CSNK1G1: variants seen among roughly 807,000 people sequenced by gnomAD.
CSNK1G1 encodes casein kinase I isoform gamma-1.
In CSNK1G1, 22 loss-of-function variants were observed where a neutral mutation model predicts 59.6. The ratio of observed to expected loss-of-function variants is 0.37; its 90% confidence interval spans 0.26 to 0.53. The LOEUF is 0.53. CSNK1G1 is among the 20% of genes least tolerant of loss of function. The pLI, the probability that CSNK1G1 is intolerant of heterozygous loss-of-function variation, is 0.89. For missense variants in CSNK1G1, 384 were observed against 519.5 expected (o/e 0.74, Z 2.54); for synonymous variants, 179 against 177.1 (o/e 1.01, Z -0.08).
chr15:64,327,614 C>T (rs1317480910), intron 1 of CSNK1G1, among the ~76,000 whole-genome samples: 13 of 150,300 alleles, frequency 8.6e-5, no homozygotes, highest in East Asian at 7.9e-4. Context: ...AAACGCAGAG[C>T]GCCTCTCCTC....
intron 6 of CSNK1G1, among the ~76,000 whole-genome samples, chr15:64,212,444 GT>G (rs1373637416): frequency 1.1e-4 from 17 of 152,300 alleles, no homozygotes; most frequent in African/African-American, 3.6e-4. Context: ...GCCAGGCATG[GT>G]GGCTCACATC....
At chr15:64,324,561 G>A (rs1596278416) in intron 1 of CSNK1G1, among the ~76,000 whole-genome samples, 2 of 152,176 alleles carry the variant, frequency 1.3e-5, no homozygotes, top group South Asian at 4.1e-4. Flanking sequence ...TCAGGCCTTC[G>A]GCCACAGACT....
Position 64,305,030 on chromosome 15 carries a change from C to A in CSNK1G1, c.-224-4307G>T, listed in dbSNP as rs557919556. Among the ~76,000 whole-genome samples, 3 of 152,168 alleles carry A rather than the reference C, an allele frequency of 2.0e-5. No individual in the cohort carries two copies. In the South Asian group the frequency reaches 6.2e-4, roughly 32 times the overall value. ...ACTGTCCAAAACAGAAATAATAGGG[C>A]AAAACCAAAAATCTTTCTCCTTATA... is the stretch of plus-strand genomic sequence containing the variant. On this transcript the variant is annotated intron_variant, in intron 1 of 11. Transcript: ENST00000303052.
intron 2 of CSNK1G1, among the ~76,000 whole-genome samples, chr15:64,270,587 G>A (rs967088741): frequency 2.0e-5 from 3 of 151,866 alleles, no homozygotes; most frequent in African/African-American, 4.8e-5. Context: ...GTGAAACCCC[G>A]TCTCTACTAA....
At chr15:64,321,533 G>A (rs1420175644) in intron 1 of CSNK1G1, among the ~76,000 whole-genome samples, 2 of 151,980 alleles carry the variant, frequency 1.3e-5, no homozygotes, top group Non-Finnish European at 2.9e-5. Context: ...CAAAGGGCTG[G>A]GATTACAGGC....
Position 64,259,225 on chromosome 15 carries a change from G to A in CSNK1G1, c.198C>T (p.Thr66=). ...CCAGTTTGATTGCTACATATTCATTGGTGTAGAGATTTTTACCTAAGAGGA... is the reference window on the plus strand; with the variant it reads ...CCAGTTTGATTGCTACATATTCATTAGTGTAGAGATTTTTACCTAAGAGGA... ...GELRLGKNLY[T]NEYVAIKLEP... The change falls in exon 3 of 12, where the codon ACC becomes ACT. Residue 66 remains threonine (T), a synonymous_variant. Coordinates refer to ENST00000303052, the MANE Select transcript of CSNK1G1 (RefSeq NM_022048.5). The A allele has an allele frequency of 6.3e-7, 1 of 1,596,392 alleles. No homozygotes were observed. Among genetic ancestry groups the A allele is most frequent in the East Asian group, 2.3e-5 (1 of 44,242 alleles).
chr15:64,309,445 C>A (rs574723140), intron 1 of CSNK1G1, among the ~76,000 whole-genome samples: 96 of 152,010 alleles, frequency 6.3e-4, no homozygotes, highest in African/African-American at 2.2e-3. Flanking sequence ...TTCTTGCCAC[C>A]ATTCTGAGTA....
intron 1 of CSNK1G1, among the ~76,000 whole-genome samples, chr15:64,352,447 C>CTTCTTTTTT (rs1566958699): frequency 3.4e-5 from 3 of 89,428 alleles, no homozygotes; most frequent in Non-Finnish European, 6.1e-5. Context: ...TTGAATTCTT[C>CTTCTTTTTT]TTTTTTTTTT....
At position 64,356,138 on chromosome 15, in the gene CSNK1G1, G is replaced by C. The variant is rs1456996306; in HGVS notation, c.-375C>G. 6.6e-6 allele frequency: 1 copy of C among 152,268 alleles called. No homozygotes were observed. The highest frequency in any genetic ancestry group is 1.9e-4 in the East Asian group (1 of 5,186). The allele number at this position is 152,268 out of a possible 1,614,324, so 9.4% of individuals were successfully genotyped here. A position where few individuals can be genotyped will look rare whatever the true frequency, so the allele number is the denominator to read the frequency against. On this transcript the variant is annotated 5_prime_UTR_variant, in exon 1 of 12. Coordinates refer to ENST00000303052, the MANE Select transcript of CSNK1G1 (RefSeq NM_022048.5). ...AGGCGGACGGGAGGGGGAAGGCGAG[G>C]AGCCGAGGGGCGGCTGGAGCCGAAC...
chr15:64,274,204 C>T (rs1452301200), intron 2 of CSNK1G1, among the ~76,000 whole-genome samples: 2 of 152,132 alleles, frequency 1.3e-5, no homozygotes, highest in African/African-American at 4.8e-5. Context: ...CTAAGCATTG[C>T]CTCAAATGAA....
chr15:64,319,171 TATC>T (rs1035551038), intron 1 of CSNK1G1, among the ~76,000 whole-genome samples: 6 of 152,176 alleles, frequency 3.9e-5, no homozygotes, highest in East Asian at 3.9e-4. Context: ...ACATTTATAA[TATC>T]ATCTTTTCCA....
At chr15:64,270,599 A>G (rs1893239998) in intron 2 of CSNK1G1, among the ~76,000 whole-genome samples, 1 of 152,076 alleles carries the variant, frequency 6.6e-6, no homozygotes, top group African/African-American at 2.4e-5. Context: ...CTCTACTAAA[A>G]ATACAAAAAA....
intron 1 of CSNK1G1, among the ~76,000 whole-genome samples, chr15:64,320,192 C>T (rs535953749): frequency 3.6e-4 from 54 of 151,910 alleles, no homozygotes; most frequent in African/African-American, 1.3e-3. Flanking sequence ...GCACCAGGCC[C>T]TTTTTCTTAT....
chr15:64,263,221 C>T (rs1177812875), intron 2 of CSNK1G1, among the ~76,000 whole-genome samples: 2 of 150,968 alleles, frequency 1.3e-5, no homozygotes, highest in African/African-American at 4.9e-5. Context: ...CAGAGTCTCG[C>T]TCTGTTGCCC....
rs760244020 is a variant in CSNK1G1, at chr15:64,180,345, T to C, written c.1214+3A>G. ...TAAGAGCCCCCTTGAAAGATGTACG[T>C]ACTTAGCTTCCTCCACTACCTCCAC... is the stretch of plus-strand genomic sequence containing the variant. On this transcript the variant is annotated splice_donor_region_variant and intron_variant, in intron 11 of 11. Coordinates refer to ENST00000303052, the MANE Select transcript of CSNK1G1 (RefSeq NM_022048.5). The C allele has an allele frequency of 6.2e-7, 1 of 1,611,562 alleles. No homozygotes were observed. The highest frequency in any genetic ancestry group is 1.1e-5 in the South Asian group (1 of 91,012).
chr15:64,334,352 TG>T (rs1897265082), intron 1 of CSNK1G1, among the ~76,000 whole-genome samples: 1 of 152,060 alleles, frequency 6.6e-6, no homozygotes, highest in Admixed American at 6.6e-5. Flanking sequence ...TCAACCTTTT[TG>T]GCACAAGGAC....
intron 4 of CSNK1G1, among the ~76,000 whole-genome samples, chr15:64,219,777 C>CTTTTTTTTTTTTT (rs750402203): frequency 7.3e-6 from 1 of 136,314 alleles, no homozygotes; most frequent in African/African-American, 2.8e-5. Context: ...CTTTTCTTTT[C>CTTTTTTTTTTTTT]TTTTTTTTTT....
At chr15:64,323,335 G>T in intron 1 of CSNK1G1, among the ~76,000 whole-genome samples, 1 of 151,286 alleles carries the variant, frequency 6.6e-6, no homozygotes, top group East Asian at 1.9e-4. Flanking sequence ...CTTTTGTCCA[G>T]TCTCAAAAAA....
chr15:64,264,988 A>G (rs545645433), intron 2 of CSNK1G1, among the ~76,000 whole-genome samples: 13 of 152,146 alleles, frequency 8.5e-5, no homozygotes, highest in African/African-American at 3.1e-4. Flanking sequence ...ACTTTCACCA[A>G]TTTTATACAA....
Sources: gnomAD v4.1 joint callset for allele counts (sites outside exome capture counted in the v4.1 genomes callset) on GRCh38, gnomAD v4.1.1 for gene constraint, MANE v1.5 for transcripts, NCBI Gene and HGNC (gene_info 2026-07-23, HGNC 2026-07-21) for gene names.